The following SGCD variants were observed in gnomAD, a reference collection of about 807,000 sequenced individuals.
SGCD encodes the protein delta-sarcoglycan.
SGCD carries 18 observed loss-of-function variants against 36.6 expected under a neutral mutation model. The ratio of observed to expected loss-of-function variants is 0.49; its 90% CI spans 0.34 to 0.73. SGCD has a LOEUF of 0.73. SGCD is among the 30% of genes least tolerant of loss of function. SGCD has a pLI of 0.01. For synonymous variants in SGCD, 133 were observed against 130.6 expected (o/e 1.02, Z -0.12); for missense variants, 387 against 346.7 (o/e 1.12, Z -0.92).
At chr5:155,987,286 T>C (rs1758350807) in intron 1 of SGCD, among the ~76,000 whole-genome samples, 1 of 152,122 alleles carries the variant, frequency 6.6e-6, no homozygotes, top group Non-Finnish European at 1.5e-5. Flanking sequence ...CAGTTTTGAG[T>C]CTTCGATTTC....
the SGCD span, among the ~76,000 whole-genome samples, chr5:155,729,227 G>T: frequency 6.6e-6 from 1 of 152,214 alleles, no homozygotes; most frequent in Non-Finnish European, 1.5e-5. Context: ...AGAGCAGATC[G>T]CTGACTTCCT....
the SGCD span, among the ~76,000 whole-genome samples, chr5:155,823,268 G>A: frequency 1.3e-4 from 19 of 146,050 alleles, no homozygotes; most frequent in Admixed American, 4.2e-4. Flanking sequence ...CCTACAGCAG[G>A]ACAAGATGAG....
intron 3 of SGCD, among the ~76,000 whole-genome samples, chr5:156,368,682 G>A (rs985521575): frequency 6.6e-6 from 1 of 152,088 alleles, no homozygotes; most frequent in African/African-American, 2.4e-5. Context: ...AAGCGTGGTG[G>A]CATTAGATTC....
intron 1 of SGCD, among the ~76,000 whole-genome samples, chr5:155,872,351 GCA>G (rs3085993): frequency 0.026 from 3,748 of 144,580 alleles, 55 homozygotes; most frequent in African/African-American, 0.049. Flanking sequence ...CTTCTCTTCA[GCA>G]CACACACACA....
intron 2 of SGCD, among the ~76,000 whole-genome samples, chr5:156,334,125 T>C (rs1315908917): frequency 6.6e-6 from 1 of 152,132 alleles, no homozygotes; most frequent in Non-Finnish European, 1.5e-5. Flanking sequence ...TCATTATTAT[T>C]TTATTACACA....
chr5:156,647,362 T>C (rs1181286896), intron 6 of SGCD, 102 bp from the exon 7 acceptor site: 1 of 711,086 alleles, frequency 1.4e-6, no homozygotes, highest in African/African-American at 1.8e-5. Flanking sequence ...TATGGGGTTG[T>C]GTAATGGATT....
At chr5:156,751,514 A>ATAT (rs1757148089) in intron 7 of SGCD, among the ~76,000 whole-genome samples, 1 of 152,208 alleles carries the variant, frequency 6.6e-6, no homozygotes, top group Admixed American at 6.5e-5. Context: ...GTAAATATAA[A>ATAT]AGACAAACCA....
chr5:156,737,382 T>A (rs1190920827), intron 7 of SGCD, among the ~76,000 whole-genome samples: 1 of 152,202 alleles, frequency 6.6e-6, no homozygotes, highest in Admixed American at 6.5e-5. Flanking sequence ...GTGGGGATAA[T>A]AATATTAATG....
intron 7 of SGCD, among the ~76,000 whole-genome samples, chr5:156,651,738 C>G (rs1763470688): frequency 6.6e-6 from 1 of 151,888 alleles, no homozygotes; most frequent in Non-Finnish European, 1.5e-5. Context: ...TGTGATAGCT[C>G]TGGAGTTTTT....
intron 4 of SGCD, among the ~76,000 whole-genome samples, chr5:156,586,275 A>G (rs1760489954): frequency 6.6e-6 from 1 of 152,098 alleles, no homozygotes; most frequent in Admixed American, 6.6e-5. Context: ...TCGTGTTTAG[A>G]TGGGGATTAT....
chr5:156,106,980 T>C (rs890628755), intron 1 of SGCD, among the ~76,000 whole-genome samples: 14 of 152,312 alleles, frequency 9.2e-5, no homozygotes, highest in African/African-American at 3.4e-4. Flanking sequence ...ATGTTCTTTT[T>C]TCATCACAGA....
At chr5:156,651,699 G>T (rs372648896) in intron 7 of SGCD, among the ~76,000 whole-genome samples, 1 of 152,032 alleles carries the variant, frequency 6.6e-6, no homozygotes, top group East Asian at 1.9e-4. Context: ...AGTTACTGTA[G>T]CCTTAAAGTA....
At chr5:156,087,700 T>A (rs971047046) in intron 1 of SGCD, among the ~76,000 whole-genome samples, 1 of 151,758 alleles carries the variant, frequency 6.6e-6, no homozygotes, top group Non-Finnish European at 1.5e-5. Flanking sequence ...TTTATGCATG[T>A]GGTACATTTT....
chr5:156,254,396 C>T (rs1216602251), intron 3 of SGCD, among the ~76,000 whole-genome samples: 1 of 152,166 alleles, frequency 6.6e-6, no homozygotes, highest in Non-Finnish European at 1.5e-5. Context: ...CTGAACAATG[C>T]TCTAGTCGTT....
At chr5:156,498,935 C>CCTGTGTGTGTGT (rs149269957) in intron 3 of SGCD, among the ~76,000 whole-genome samples, 3,806 of 149,430 alleles carry the variant, frequency 0.025, 60 homozygotes, top group South Asian at 0.034. Context: ...ATGTGTGCTA[C>CCTGTGTGTGTGT]GTGTGTGTGT....
At chr5:156,311,598 A>T (rs779990049) in intron 3 of SGCD, among the ~76,000 whole-genome samples, 1 of 136,082 alleles carries the variant, frequency 7.3e-6, no homozygotes, top group Non-Finnish European at 1.6e-5. Flanking sequence ...GCAATGTCTT[A>T]GGGATCTACA....
chr5:155,929,715 T>A (rs2113388818), intron 1 of SGCD, among the ~76,000 whole-genome samples: 1 of 152,334 alleles, frequency 6.6e-6, no homozygotes, highest in East Asian at 1.9e-4. Flanking sequence ...AAGATCTTTT[T>A]AAAAAGTTAA....
At chr5:155,835,983 C>T in the SGCD span, among the ~76,000 whole-genome samples, 1 of 152,050 alleles carries the variant, frequency 6.6e-6, no homozygotes, top group East Asian at 1.9e-4. Context: ...GTATATATAG[C>T]GTTTAGTACT....
At chr5:155,737,158 A>G in the SGCD span, among the ~76,000 whole-genome samples, 6 of 152,218 alleles carry the variant, frequency 3.9e-5, no homozygotes, top group Admixed American at 3.9e-4. Flanking sequence ...TTTACTTATA[A>G]AACAATGAGC....
Sources: allele counts gnomAD v4.1 joint callset (sites outside exome capture counted in the v4.1 genomes callset), GRCh38; gene constraint gnomAD v4.1.1; transcripts MANE v1.5; gene names NCBI Gene and HGNC (gene_info 2026-07-23, HGNC 2026-07-21).